PIK3CA: variants seen among roughly 807,000 people sequenced by gnomAD.
The protein encoded by PIK3CA is phosphatidylinositol-4,5-bisphosphate 3-kinase catalytic subunit alpha.
In PIK3CA, 27 loss-of-function variants were observed where a neutral mutation model predicts 138.2. The ratio of observed to expected loss-of-function variants is 0.20; its 90% confidence interval spans 0.14 to 0.27. The LOEUF is 0.27. PIK3CA is among the 10% of genes least tolerant of loss of function. PIK3CA has a pLI of 1.00. For synonymous variants in PIK3CA, 358 were observed against 413.2 expected (o/e 0.87, Z 1.62); for missense variants, 544 against 1,277.4 (o/e 0.43, Z 8.75).
In PIK3CA at chr3:179,163,456, A is replaced by G. The variant is rs575846638; in HGVS notation, c.-77+14853A>G. 3.3e-5 allele frequency among the ~76,000 whole-genome samples: 5 copies of G among 152,248 alleles called. No homozygotes were observed. In the South Asian group the frequency reaches 1.0e-3, roughly 32 times the overall value. ...AGACTGCTTGACCCCCGGAGTTTAA[A>G]TGCAGCCTGCTAGCAAGACTCCCTA... is the stretch of plus-strand genomic sequence containing the variant. On this transcript the variant is annotated intron_variant, in intron 1 of 20. Coordinates refer to ENST00000263967, the MANE Select transcript of PIK3CA (RefSeq NM_006218.4).
rs755743556 is a variant in PIK3CA at position 179,210,553 on chromosome 3, C to T, written c.1527C>T (p.Ser509=). 3 of 1,613,576 alleles carry T rather than the reference C, an allele frequency of 1.9e-6. No homozygotes were observed. Among genetic ancestry groups the T allele is most frequent in the South Asian group, 1.1e-5 (1 of 91,006 alleles). ...SVSREAGFSY[S]HAGLSNRLAR... is the part of the protein sequence containing the mutation. ...CCCGAGAAGCAGGATTTAGCTATTC[C>T]CACGCAGGACTGGTAAGGCAAATCA... Residue 509 remains serine (S), a synonymous_variant, in exon 9 of 21, where the codon TCC becomes TCT. Coordinates refer to ENST00000263967, the MANE Select transcript of PIK3CA (RefSeq NM_006218.4).
chr3:179,237,823 C>T lies in PIK3CA; in HGVS notation c.*3459C>T, dbSNP rs1009602431. On this transcript the variant is annotated 3_prime_UTR_variant, in exon 21 of 21. Coordinates refer to ENST00000263967, the MANE Select transcript of PIK3CA (RefSeq NM_006218.4). ...TTTAATTTCCAGCAGTATTTTAAAG[C>T]TAGCCTGTTAACTTTTTCTGAATAT... 1 of 209,832 alleles carries T rather than the reference C, an allele frequency of 4.8e-6. No homozygotes were observed. Among genetic ancestry groups the T allele is most frequent in the Admixed American group, 5.9e-5 (1 of 16,946 alleles). The allele number at this position is 209,832 out of a possible 1,614,324, so 13.0% of individuals were successfully genotyped here.
At chr3:179,152,736 T>C (rs965815826) in intron 1 of PIK3CA, among the ~76,000 whole-genome samples, 2 of 152,130 alleles carry the variant, frequency 1.3e-5, no homozygotes, top group African/African-American at 4.8e-5. Context: ...TATTTTCCAC[T>C]TTGCTGACTG....
chr3:179,189,140 G>C (rs977490440), intron 1 of PIK3CA, among the ~76,000 whole-genome samples: 5 of 152,006 alleles, frequency 3.3e-5, no homozygotes, highest in Non-Finnish European at 1.5e-5. Context: ...CTCGAACCTC[G>C]TAAACAGAGG....
intron 1 of PIK3CA, among the ~76,000 whole-genome samples, chr3:179,197,535 G>A (rs1004304266): frequency 2.0e-5 from 3 of 152,162 alleles, no homozygotes; most frequent in Non-Finnish European, 2.9e-5. Context: ...TCTTGTGAAG[G>A]CAAGGGCCAT....
chr3:179,222,648 G>T (rs1319501492), intron 14 of PIK3CA, among the ~76,000 whole-genome samples: 1 of 152,180 alleles, frequency 6.6e-6, no homozygotes, highest in Non-Finnish European at 1.5e-5. Flanking sequence ...ACTATTGGTC[G>T]TTTACCCTCA....
intron 1 of PIK3CA, among the ~76,000 whole-genome samples, chr3:179,155,576 T>C (rs1448685743): frequency 6.6e-6 from 1 of 152,160 alleles, no homozygotes; most frequent in Non-Finnish European, 1.5e-5. Context: ...AGAACAACTA[T>C]TTACATAACA....
At position 179,213,014 on chromosome 3, in the gene PIK3CA, C is replaced by G. The variant is rs1333151924; in HGVS notation, c.1539+2449C>G. 5.3e-5 allele frequency among the ~76,000 whole-genome samples: 8 copies of G among 152,110 alleles called. 1 individual carries two copies. On this transcript the variant is annotated intron_variant, in intron 9 of 20. Transcript: ENST00000263967. Reference sequence around the variant, plus strand: ...TGTACAGGAGATCAGTTGCCCCTATCCCCTATATTGTCCAAGGGTCAGCTG... The same window carrying G: ...TGTACAGGAGATCAGTTGCCCCTATGCCCTATATTGTCCAAGGGTCAGCTG...
intron 1 of PIK3CA, among the ~76,000 whole-genome samples, chr3:179,159,856 A>G (rs540966060): frequency 6.6e-6 from 1 of 152,312 alleles, no homozygotes; most frequent in Admixed American, 6.5e-5. Flanking sequence ...CCTGTACAGT[A>G]TATTACTATA....
At chr3:179,227,668 T>G (rs1436604118) in intron 17 of PIK3CA, among the ~76,000 whole-genome samples, 3 of 151,976 alleles carry the variant, frequency 2.0e-5, no homozygotes, top group Admixed American at 2.0e-4. Flanking sequence ...AAAATAAGTA[T>G]TGACCGTATT....
intron 6 of PIK3CA, among the ~76,000 whole-genome samples, chr3:179,208,973 T>TTA (rs1034577859): frequency 2.8e-5 from 4 of 145,416 alleles, no homozygotes; most frequent in South Asian, 4.2e-4. Context: ...ATGAGCAAAA[T>TTA]TATATATATA....
intron 9 of PIK3CA, among the ~76,000 whole-genome samples, chr3:179,213,274 G>T (rs956577302): frequency 1.3e-5 from 2 of 152,148 alleles, no homozygotes; most frequent in Admixed American, 1.3e-4. Context: ...AAATGTTTTG[G>T]TTTCCCAGTG....
chr3:179,194,981 G>T (rs1283731386), intron 1 of PIK3CA, among the ~76,000 whole-genome samples: 4 of 144,632 alleles, frequency 2.8e-5, no homozygotes, highest in African/African-American at 1.0e-4. Context: ...GCCATACTTA[G>T]CCTAGAGCCT....
rs1237861151 is a variant in PIK3CA at position 179,204,597 on chromosome 3, G to C, written c.1145+9G>C. Reference sequence around the variant, plus strand: ...CCTTGTTCCAATCCCAGGTAAGGAAGTATATAGATTTATATTTCCAAAGGT... The same window carrying C: ...CCTTGTTCCAATCCCAGGTAAGGAACTATATAGATTTATATTTCCAAAGGT... On this transcript the variant is annotated intron_variant, in intron 6 of 20. Transcript: ENST00000263967. The C allele has an allele frequency of 7.6e-7, 1 of 1,317,346 alleles. No individual in the cohort carries two copies. The highest frequency in any genetic ancestry group is 1.1e-6 in the Non-Finnish European group (1 of 910,454). The allele number at this position is 1,317,346 out of a possible 1,614,324, so 81.6% of individuals were successfully genotyped here. A position where few individuals can be genotyped will look rare whatever the true frequency, so the allele number is the denominator to read the frequency against.
Position 179,230,841 on chromosome 3 carries a change from T to C in PIK3CA, c.2936+465T>C, listed in dbSNP as rs182014030. The stretch of plus-strand genomic sequence containing the variant: ...TGTTTTTTATTCTATCTTATTTCAA[T>C]AGCTTTTGGGGTACACGTGGTTTTT... On this transcript the variant is annotated intron_variant, in intron 20 of 20. Transcript: ENST00000263967. The surrounding 1 kb of genome is among the most constrained non-coding windows in gnomAD (Gnocchi z 5.4). Among the ~76,000 whole-genome samples, 1 of 152,336 alleles carries C rather than the reference T, an allele frequency of 6.6e-6. No homozygotes were observed. The highest frequency in any genetic ancestry group is 1.9e-4 in the East Asian group (1 of 5,180).
chr3:179,173,532 T>C (rs1314907775), intron 1 of PIK3CA, among the ~76,000 whole-genome samples: 1 of 150,284 alleles, frequency 6.7e-6, no homozygotes, highest in Non-Finnish European at 1.5e-5. Flanking sequence ...TGAGCCTATA[T>C]CGTGCCACTG....
chr3:179,176,594 CT>C (rs1253335032), intron 1 of PIK3CA, among the ~76,000 whole-genome samples: 2 of 152,134 alleles, frequency 1.3e-5, no homozygotes, highest in African/African-American at 2.4e-5. Flanking sequence ...GCAGCTGTTC[CT>C]TCACGACTTT....
intron 1 of PIK3CA, among the ~76,000 whole-genome samples, chr3:179,180,862 T>C (rs1723824133): frequency 6.6e-6 from 1 of 152,154 alleles, no homozygotes; most frequent in South Asian, 2.1e-4. Context: ...ATGAAGATGT[T>C]TTAAGATGAA....
At chr3:179,203,930 A>G in intron 5 of PIK3CA, 141 bp downstream of exon 5, 1 of 605,990 alleles carries the variant, frequency 1.7e-6, no homozygotes, top group East Asian at 2.8e-5. Context: ...GTAAAAATAT[A>G]TCAAGAATTT....
Sources: gnomAD v4.1 joint callset for allele counts (sites outside exome capture counted in the v4.1 genomes callset) on GRCh38, gnomAD v4.1.1 for gene constraint, Gnocchi (gnomAD v3.1) non-coding constraint, MANE v1.5 for transcripts, NCBI Gene and HGNC (gene_info 2026-07-23, HGNC 2026-07-21) for gene names.